NFAT5: variants seen among roughly 807,000 people sequenced by gnomAD.
NFAT5 encodes the protein nuclear factor of activated T cells 5.
Under a neutral mutation model 166.5 loss-of-function variants are expected in NFAT5, and 31 were observed. The ratio of observed to expected loss-of-function variants is 0.19; its 90% CI spans 0.14 to 0.25. NFAT5 has a LOEUF of 0.25. NFAT5 is among the 10% of genes least tolerant of loss of function. The probability of loss-of-function intolerance (pLI) is 1.00; values close to 1 mark genes in which losing one functional copy is unlikely to be tolerated. For synonymous variants in NFAT5, 612 were observed against 639.7 expected, an observed-to-expected ratio of 0.96 and a Z score of 0.65; for missense variants, 1,449 against 1,821.8, an observed-to-expected ratio of 0.80 and a Z score of 3.72.
At chr16:69,579,602 A>G (rs565718378) in intron 2 of NFAT5, among the ~76,000 whole-genome samples, 1 of 152,332 alleles carries the variant, frequency 6.6e-6, no homozygotes, top group East Asian at 1.9e-4. Context: ...ACTTCCTTGA[A>G]AGTATTTTTT....
intron 2 of NFAT5, among the ~76,000 whole-genome samples, chr16:69,625,961 ATTT>A (rs1409980824): frequency 6.9e-6 from 1 of 145,958 alleles, no homozygotes. Context: ...AAATAAAAAA[ATTT>A]TTTTTTTTTT....
intron 3 of NFAT5, among the ~76,000 whole-genome samples, chr16:69,641,399 C>G (rs1367390212): frequency 7.3e-5 from 11 of 150,938 alleles, no homozygotes; most frequent in Non-Finnish European, 4.4e-5. Context: ...AGCACTCTTG[C>G]AAAATTTTAT....
At chr16:69,677,500 A>G (rs2036875911) in intron 10 of NFAT5, among the ~76,000 whole-genome samples, 165 bp downstream of exon 10, 1 of 152,228 alleles carries the variant, frequency 6.6e-6, no homozygotes, top group Admixed American at 6.5e-5. Flanking sequence ...CAGCCGCCAG[A>G]TACTGCTTTT....
chr16:69,581,493 A>G (rs113624171), intron 2 of NFAT5, among the ~76,000 whole-genome samples: 4 of 152,164 alleles, frequency 2.6e-5, no homozygotes, highest in African/African-American at 9.7e-5. Context: ...TGGTAACTCT[A>G]TATTTAACTT....
chr16:69,669,310 T>G (rs894769005), intron 7 of NFAT5, among the ~76,000 whole-genome samples: 1 of 152,176 alleles, frequency 6.6e-6, no homozygotes, highest in Non-Finnish European at 1.5e-5. Flanking sequence ...TCCCAGCATT[T>G]TGGGAGGCCA....
At position 69,566,258 on chromosome 16, in the gene NFAT5, T is replaced by TC. The variant is rs544386664; in HGVS notation, c.-37dup. ...GAGGAGGTGCCGCCGCCACCGCCGC[T>TC]CCCCCCCTCCCGCTGCCCTCGGGCC... is the stretch of plus-strand genomic sequence containing the variant. On this transcript the variant is annotated 5_prime_UTR_variant, in exon 1 of 15. Transcript: ENST00000349945. This position sits in a 1 kb window ranked among gnomAD's most constrained non-coding sequence, Gnocchi z 5.7. 21 of 1,565,676 alleles carry TC rather than the reference T, an allele frequency of 1.3e-5. No individual in the cohort carries two copies. The highest frequency in any genetic ancestry group is 1.5e-5 in the Non-Finnish European group (17 of 1,154,416).
At chr16:69,658,589 G>A (rs918522728) in intron 6 of NFAT5, among the ~76,000 whole-genome samples, 1 of 152,108 alleles carries the variant, frequency 6.6e-6, no homozygotes, top group African/African-American at 2.4e-5. Flanking sequence ...CCAACACTGG[G>A]AGGCTGAGGT....
At chr16:69,639,081 C>G (rs1282711821) in intron 3 of NFAT5, among the ~76,000 whole-genome samples, 1 of 152,106 alleles carries the variant, frequency 6.6e-6, no homozygotes, top group Non-Finnish European at 1.5e-5. Flanking sequence ...GGATATTAGT[C>G]TCTTCATTCA....
In NFAT5 at chr16:69,566,490, C is replaced by T; in HGVS notation, c.73+116C>T. The T allele has an allele frequency of 2.2e-6, 2 of 890,462 alleles. No individual in the cohort carries two copies. Among genetic ancestry groups the T allele is most frequent in the South Asian group, 2.8e-5 (2 of 70,350 alleles). The allele number at this position is 890,462 out of a possible 1,614,324, so 55.2% of individuals were successfully genotyped here. On this transcript the variant is annotated intron_variant, in intron 1 of 14. Coordinates refer to ENST00000349945, the MANE Select transcript of NFAT5 (RefSeq NM_138713.4). The surrounding 1 kb of genome is among the most constrained non-coding windows in gnomAD (Gnocchi z 5.7). ...CCGGGGGCGGCTGAGCCGCGACCCCCATGGCTTCTTTGGCCGGAGCGGGCA... is the reference window on the plus strand; with the variant it reads ...CCGGGGGCGGCTGAGCCGCGACCCCTATGGCTTCTTTGGCCGGAGCGGGCA...
chr16:69,575,439 A>AT (rs1022996211), intron 2 of NFAT5, among the ~76,000 whole-genome samples: 4 of 152,022 alleles, frequency 2.6e-5, no homozygotes, highest in Non-Finnish European at 5.9e-5. Flanking sequence ...AAGTGCTGGG[A>AT]TTACAGGTGT....
chr16:69,614,925 G>A (rs2033870698), intron 2 of NFAT5, among the ~76,000 whole-genome samples: 1 of 137,594 alleles, frequency 7.3e-6, no homozygotes, highest in Non-Finnish European at 1.5e-5. Flanking sequence ...TACCCAGGCT[G>A]GAGTACAGTG....
chr16:69,578,716 T>C (rs1227381630), intron 2 of NFAT5, among the ~76,000 whole-genome samples: 1 of 152,124 alleles, frequency 6.6e-6, no homozygotes, highest in Non-Finnish European at 1.5e-5. Context: ...ATTGTCATTC[T>C]GAAACACTGA....
chr16:69,685,658 T>G (rs1015500315), intron 11 of NFAT5: 7 of 151,914 alleles, frequency 4.6e-5, no homozygotes, highest in Non-Finnish European at 8.8e-5. Context: ...TTTGAGATGA[T>G]AAATATCCAT....
chr16:69,606,649 G>A (rs1025779033), intron 2 of NFAT5, among the ~76,000 whole-genome samples: 14 of 152,106 alleles, frequency 9.2e-5, no homozygotes, highest in African/African-American at 3.4e-4. Context: ...GATGCTAGGA[G>A]TTCAAAACCA....
chr16:69,601,380 A>G (rs1322254221), intron 2 of NFAT5, among the ~76,000 whole-genome samples: 1 of 152,042 alleles, frequency 6.6e-6, no homozygotes, highest in Non-Finnish European at 1.5e-5. Flanking sequence ...TTATTTATTT[A>G]TTTTTGAGAC....
intron 2 of NFAT5, among the ~76,000 whole-genome samples, chr16:69,613,820 C>G (rs1209011850): frequency 6.6e-6 from 1 of 152,122 alleles, no homozygotes; most frequent in African/African-American, 2.4e-5. Context: ...ATAAGGGTGA[C>G]TTTCTTTTGT....
At chr16:69,581,288 G>T (rs764999328) in intron 2 of NFAT5, among the ~76,000 whole-genome samples, 2 of 152,092 alleles carry the variant, frequency 1.3e-5, no homozygotes, top group Non-Finnish European at 2.9e-5. Context: ...TTTTATTGCA[G>T]AATAGTATTC....
At chr16:69,582,997 A>G (rs1191242030) in intron 2 of NFAT5, among the ~76,000 whole-genome samples, 2 of 151,694 alleles carry the variant, frequency 1.3e-5, no homozygotes, top group Non-Finnish European at 1.5e-5. Flanking sequence ...TTGTCCATGA[A>G]CATGGGATGT....
At chr16:69,640,764 C>G (rs1597453522) in intron 3 of NFAT5, among the ~76,000 whole-genome samples, 1 of 151,384 alleles carries the variant, frequency 6.6e-6, no homozygotes, top group Non-Finnish European at 1.5e-5. Flanking sequence ...GGCGGATCAG[C>G]TGAGGTCAGG....
Sources: gnomAD v4.1 joint callset for allele counts (sites outside exome capture counted in the v4.1 genomes callset) on GRCh38, gnomAD v4.1.1 for gene constraint, Gnocchi (gnomAD v3.1) non-coding constraint, MANE v1.5 for transcripts, NCBI Gene and HGNC (gene_info 2026-07-23, HGNC 2026-07-21) for gene names.